Variants in NEK11 observed in about 807,000 individuals in gnomAD.
NEK11 encodes the protein serine/threonine-protein kinase Nek11.
NEK11 carries 72 observed loss-of-function variants against 80.7 expected under a neutral mutation model. The observed-to-expected ratio is 0.89, with a 90% CI of 0.74 to 1.08. NEK11 has a LOEUF of 1.08. Among genes scored for constraint, NEK11 ranks in the 50% least tolerant of loss-of-function variants. The pLI, the probability that NEK11 is intolerant of heterozygous loss-of-function variation, is 0.00. For missense variants in NEK11, 764 were observed against 763.6 expected, an observed-to-expected ratio of 1.00 and a Z score of -0.01; for synonymous variants, 251 against 260.7, an observed-to-expected ratio of 0.96 and a Z score of 0.36.
At chr3:131,165,559 T>C in intron 12 of NEK11, 40 bp downstream of exon 12, 1 of 1,365,510 alleles carries the variant, frequency 7.3e-7, no homozygotes, top group Non-Finnish European at 1.0e-6. Flanking sequence ...TAAAAATTTT[T>C]CTTGCTTTAG....
intron 17 of NEK11, chr3:131,329,088 C>T (rs2097027066): frequency 6.6e-6 from 1 of 152,152 alleles, no homozygotes; most frequent in Non-Finnish European, 1.5e-5. Flanking sequence ...TTAATTAAGG[C>T]TTGTGTCTAG....
chr3:131,122,152 A>C (rs914473925), intron 5 of NEK11, among the ~76,000 whole-genome samples: 1 of 152,186 alleles, frequency 6.6e-6, no homozygotes, highest in East Asian at 1.9e-4. Flanking sequence ...GGTAGTGTTA[A>C]GAACTCATTT....
At chr3:131,029,951 T>C in intron 3 of NEK11, 73 bp downstream of exon 3, 1 of 1,428,294 alleles carries the variant, frequency 7.0e-7, no homozygotes, top group South Asian at 1.2e-5. Flanking sequence ...ATTAGGAACA[T>C]GGAGCAGGCC....
intron 5 of NEK11, among the ~76,000 whole-genome samples, chr3:131,118,684 T>A (rs1444001083): frequency 6.6e-6 from 1 of 152,246 alleles, no homozygotes; most frequent in Non-Finnish European, 1.5e-5. Context: ...TTCAACTTCT[T>A]CCTGGTTTAG....
chr3:131,039,790 TCAA>T (rs2066186348), intron 3 of NEK11, among the ~76,000 whole-genome samples: 1 of 152,238 alleles, frequency 6.6e-6, no homozygotes, highest in Admixed American at 6.5e-5. Context: ...TTATTACTCT[TCAA>T]CTGATTTTCC....
intron 3 of NEK11, among the ~76,000 whole-genome samples, chr3:131,072,948 C>A (rs1275286441): frequency 6.6e-6 from 1 of 152,122 alleles, no homozygotes; most frequent in African/African-American, 2.4e-5. Context: ...TGCTCTGATG[C>A]ATTTTTTTTG....
At chr3:131,202,048 T>C (rs993497697) in intron 14 of NEK11, among the ~76,000 whole-genome samples, 2 of 152,024 alleles carry the variant, frequency 1.3e-5, no homozygotes, top group African/African-American at 4.8e-5. Flanking sequence ...TTAGCCAGGA[T>C]GGTCTCGATC....
intron 16 of NEK11, among the ~76,000 whole-genome samples, chr3:131,253,185 T>C (rs72991530): frequency 0.11 from 16,759 of 152,180 alleles, 1,538 homozygotes; most frequent in African/African-American, 0.25. Context: ...GGTGGGCTCC[T>C]GGACAGATCA....
chr3:131,053,753 G>C (rs1353831546), intron 3 of NEK11: 1 of 152,200 alleles, frequency 6.6e-6, no homozygotes, highest in Non-Finnish European at 1.5e-5. Context: ...TCTCTTAGAA[G>C]TTGAGAGGGA....
chr3:131,180,388 A>G (rs1459278456), intron 14 of NEK11, among the ~76,000 whole-genome samples: 1 of 152,206 alleles, frequency 6.6e-6, no homozygotes, highest in Non-Finnish European at 1.5e-5. Flanking sequence ...TTATGTTCCA[A>G]TTAGATAGAG....
chr3:131,275,812 A>G (rs1483996394), intron 17 of NEK11, among the ~76,000 whole-genome samples: 2 of 152,234 alleles, frequency 1.3e-5, no homozygotes, highest in Non-Finnish European at 2.9e-5. Flanking sequence ...TGGGATGCCA[A>G]GAAGAATAGT....
At chr3:131,238,862 CAT>C (rs1561141304) in intron 15 of NEK11, among the ~76,000 whole-genome samples, 1 of 152,052 alleles carries the variant, frequency 6.6e-6, no homozygotes, top group Non-Finnish European at 1.5e-5. Context: ...TTTGAAAACT[CAT>C]AGAATTGTAC....
At chr3:131,166,329 G>T (rs193062307) in intron 12 of NEK11, among the ~76,000 whole-genome samples, 1 of 152,208 alleles carries the variant, frequency 6.6e-6, no homozygotes, top group East Asian at 1.9e-4. Flanking sequence ...AGGCTGTGGG[G>T]ACAATCCCCC....
chr3:131,231,641 G>T (rs369172513), intron 15 of NEK11, among the ~76,000 whole-genome samples: 3 of 151,774 alleles, frequency 2.0e-5, no homozygotes, highest in African/African-American at 7.3e-5. Flanking sequence ...GTAATTCAAT[G>T]TAGTTTCTCC....
intron 17 of NEK11, among the ~76,000 whole-genome samples, chr3:131,279,327 A>C (rs982923810): frequency 2.6e-5 from 4 of 152,140 alleles, no homozygotes; most frequent in Non-Finnish European, 4.4e-5. Context: ...CAGACTTGGC[A>C]ACAAGAGCGA....
chr3:131,174,272 T>G (rs1312564587), intron 14 of NEK11, among the ~76,000 whole-genome samples: 1 of 152,224 alleles, frequency 6.6e-6, no homozygotes, highest in African/African-American at 2.4e-5. Context: ...TCACAGAGAT[T>G]AATTGAAGTG....
intron 4 of NEK11, among the ~76,000 whole-genome samples, chr3:131,104,322 C>T (rs1188916138): frequency 6.6e-6 from 1 of 152,078 alleles, no homozygotes; most frequent in Non-Finnish European, 1.5e-5. Context: ...CTCTGGGGGC[C>T]TAAGCTGGAA....
At chr3:131,175,762 A>G (rs1425288857) in intron 14 of NEK11, among the ~76,000 whole-genome samples, 3 of 152,230 alleles carry the variant, frequency 2.0e-5, no homozygotes, top group East Asian at 3.8e-4. Context: ...TATATAAATT[A>G]TACCTAAATA....
intron 3 of NEK11, among the ~76,000 whole-genome samples, chr3:131,036,405 G>A (rs1560113085): frequency 3.3e-5 from 5 of 152,180 alleles, no homozygotes; most frequent in Admixed American, 2.0e-4. Flanking sequence ...TGTTTGGTCT[G>A]GGGTATGGCC....
Sources: gnomAD v4.1 joint callset for allele counts (sites outside exome capture counted in the v4.1 genomes callset) on GRCh38, gnomAD v4.1.1 for gene constraint, MANE v1.5 for transcripts, NCBI Gene and HGNC (gene_info 2026-07-23, HGNC 2026-07-21) for gene names.